SIPA1L2: variants seen among roughly 807,000 people sequenced by gnomAD.
The protein encoded by SIPA1L2 is signal-induced proliferation-associated 1-like protein 2.
SIPA1L2 carries 56 observed loss-of-function variants against 163.9 expected under a neutral mutation model. The observed-to-expected ratio is 0.34, with a 90% CI of 0.28 to 0.43. The LOEUF (loss-of-function observed/expected upper bound fraction) is 0.43, where lower values mean the gene tolerates loss of function less well. SIPA1L2 is among the 20% of genes least tolerant of loss of function. The pLI, the probability that SIPA1L2 is intolerant of heterozygous loss-of-function variation, is 1.00. For missense variants in SIPA1L2, 1,974 were observed against 2,193.5 expected, an observed-to-expected ratio of 0.90 and a Z score of 2.00; for synonymous variants, 877 against 865.7, an observed-to-expected ratio of 1.01 and a Z score of -0.23.
At chr1:232,600,371 T>G (rs1270354918) in intron 1 of SIPA1L2, among the ~76,000 whole-genome samples, 1 of 152,216 alleles carries the variant, frequency 6.6e-6, no homozygotes, top group Admixed American at 6.5e-5. Context: ...AAATCAATAC[T>G]CCCCTTTTAT....
At chr1:232,399,329 C>T (rs1288053171) in intron 22 of SIPA1L2, 56 bp from the exon 23 acceptor site, 3 of 1,562,608 alleles carry the variant, frequency 1.9e-6, no homozygotes, top group Non-Finnish European at 2.6e-6. Flanking sequence ...ATTCATTCCT[C>T]CTAAGCTGGG....
intron 1 of SIPA1L2, among the ~76,000 whole-genome samples, chr1:232,576,684 C>T (rs1285676): frequency 0.54 from 81,832 of 152,040 alleles, 22,375 homozygotes; most frequent in East Asian, 0.85. Flanking sequence ...AAGCCTCTTG[C>T]GCCAAACAGC....
At chr1:232,504,374 C>T (rs1020780366) in intron 3 of SIPA1L2, among the ~76,000 whole-genome samples, 2 of 151,748 alleles carry the variant, frequency 1.3e-5, no homozygotes, top group African/African-American at 4.8e-5. Flanking sequence ...CCCATCTCTA[C>T]TAAAAATAAA....
chr1:232,518,291 T>C (rs1176963502), intron 2 of SIPA1L2, among the ~76,000 whole-genome samples: 1 of 152,180 alleles, frequency 6.6e-6, no homozygotes, highest in Non-Finnish European at 1.5e-5. Flanking sequence ...CTCCCCTTTC[T>C]TCTGGTAATG....
chr1:232,400,722 G>A (rs908557541), intron 22 of SIPA1L2, among the ~76,000 whole-genome samples: 2 of 151,868 alleles, frequency 1.3e-5, no homozygotes, highest in African/African-American at 2.4e-5. Flanking sequence ...TGATGATTTC[G>A]AATCCACTGA....
At chr1:232,558,742 G>A (rs566683115) in intron 2 of SIPA1L2, among the ~76,000 whole-genome samples, 5 of 152,036 alleles carry the variant, frequency 3.3e-5, no homozygotes, top group East Asian at 3.9e-4. Context: ...CTAAATCTTC[G>A]TTTTTATGCA....
intron 15 of SIPA1L2, among the ~76,000 whole-genome samples, chr1:232,434,105 C>T (rs1021568228): frequency 2.6e-5 from 4 of 152,210 alleles, no homozygotes; most frequent in African/African-American, 9.6e-5. Context: ...AAGAGTTTAA[C>T]ACAGGGTTCC....
At chr1:232,621,575 C>T (rs986734224) in intron 1 of SIPA1L2, among the ~76,000 whole-genome samples, 3 of 152,124 alleles carry the variant, frequency 2.0e-5, no homozygotes, top group East Asian at 3.9e-4. Flanking sequence ...AAAAATCCCA[C>T]CAGCCTTATA....
chr1:232,443,719 T>C, intron 11 of SIPA1L2, 34 bp from the exon 12 acceptor site: 1 of 1,562,938 alleles, frequency 6.4e-7, no homozygotes, highest in Non-Finnish European at 8.7e-7. Flanking sequence ...AACAGGGCAC[T>C]GAACTATCTG....
At chr1:232,451,873 C>A (rs1278661275) in intron 10 of SIPA1L2, among the ~76,000 whole-genome samples, 1 of 151,276 alleles carries the variant, frequency 6.6e-6, no homozygotes, top group Non-Finnish European at 1.5e-5. Flanking sequence ...AAGTCAGCTC[C>A]AGGTTAAAAA....
rs147432204 is a variant in SIPA1L2, at chr1:232,469,063, C to G, written c.2243+2308G>C. 4.4e-3 allele frequency among the ~76,000 whole-genome samples: 672 copies of G among 152,264 alleles called. 7 individuals carry two copies. The highest frequency in any genetic ancestry group is 0.015 in the African/African-American group (643 of 41,558). On this transcript the variant is annotated intron_variant, in intron 8 of 22. Coordinates refer to ENST00000674635, the MANE Select transcript of SIPA1L2 (RefSeq NM_020808.5). Reference sequence around the variant, plus strand: ...TAGGGTGGGAGTGTGGTCTTCTGCTCAGGCAGGTACACCTGACAGGCTGCA... The same window carrying G: ...TAGGGTGGGAGTGTGGTCTTCTGCTGAGGCAGGTACACCTGACAGGCTGCA...
chr1:232,456,018 T>A (rs1663892804), intron 10 of SIPA1L2, among the ~76,000 whole-genome samples: 1 of 152,000 alleles, frequency 6.6e-6, no homozygotes, highest in Non-Finnish European at 1.5e-5. Flanking sequence ...ATTGCCTGGG[T>A]GACAAAATTA....
At chr1:232,573,200 C>A (rs551673848) in intron 2 of SIPA1L2, among the ~76,000 whole-genome samples, 1 of 152,014 alleles carries the variant, frequency 6.6e-6, no homozygotes, top group Non-Finnish European at 1.5e-5. Flanking sequence ...CTAAATGCAG[C>A]GCCTGACCCT....
chr1:232,621,868 G>A (rs1267787939), intron 1 of SIPA1L2, among the ~76,000 whole-genome samples: 1 of 151,830 alleles, frequency 6.6e-6, no homozygotes, highest in Non-Finnish European at 1.5e-5. Context: ...TGGCTAGGTC[G>A]ACAGGTGTGC....
At chr1:232,606,634 C>G (rs1458897978) in intron 1 of SIPA1L2, among the ~76,000 whole-genome samples, 1 of 148,384 alleles carries the variant, frequency 6.7e-6, no homozygotes, top group African/African-American at 2.5e-5. Context: ...ATTATATATA[C>G]TATATAATTT....
At chr1:232,515,800 A>T (rs903362294) in intron 2 of SIPA1L2, among the ~76,000 whole-genome samples, 192 bp from the exon 3 acceptor site, 3 of 152,218 alleles carry the variant, frequency 2.0e-5, no homozygotes, top group Non-Finnish European at 2.9e-5. Flanking sequence ...AATTCACACC[A>T]TACAATCAGG....
intron 2 of SIPA1L2, among the ~76,000 whole-genome samples, chr1:232,562,479 G>A (rs1405201371): frequency 6.6e-6 from 1 of 152,156 alleles, no homozygotes; most frequent in African/African-American, 2.4e-5. Flanking sequence ...AATGGAAGGA[G>A]ATAGAATAAA....
chr1:232,578,037 A>T (rs1346310875), intron 1 of SIPA1L2, among the ~76,000 whole-genome samples: 2 of 152,202 alleles, frequency 1.3e-5, no homozygotes, highest in South Asian at 2.1e-4. Context: ...TGCCATACCC[A>T]GCCCAACCTT....
At chr1:232,429,871 G>A (rs1400254010) in intron 16 of SIPA1L2, among the ~76,000 whole-genome samples, 1 of 152,178 alleles carries the variant, frequency 6.6e-6, no homozygotes, top group Non-Finnish European at 1.5e-5. Flanking sequence ...GAAAGATGCG[G>A]GGAAAAATCC....
Sources: gnomAD v4.1 joint callset for allele counts (sites outside exome capture counted in the v4.1 genomes callset) on GRCh38, gnomAD v4.1.1 for gene constraint, MANE v1.5 for transcripts, NCBI Gene and HGNC (gene_info 2026-07-23, HGNC 2026-07-21) for gene names.